Variants in PCDHA3 observed in about 807,000 individuals in gnomAD.
PCDHA3 encodes protocadherin alpha 3, also known as protocadherin alpha-3.
Under a neutral mutation model 62.2 loss-of-function variants are expected in PCDHA3, and 41 were observed. That is an observed-to-expected ratio of 0.66 (90% CI 0.51 to 0.86). The LOEUF (loss-of-function observed/expected upper bound fraction) is 0.86. Among genes scored for constraint, PCDHA3 ranks in the 40% least tolerant of loss-of-function variants. The pLI is 0.00. For synonymous variants in PCDHA3, 640 were observed against 555.4 expected, an observed-to-expected ratio of 1.15 and a Z score of -2.14; for missense variants, 1,304 against 1,241.2, an observed-to-expected ratio of 1.05 and a Z score of -0.76.
intron 1 of PCDHA3, chr5:140,884,210 C>G: frequency 6.2e-7 from 1 of 1,613,532 alleles, no homozygotes; most frequent in South Asian, 1.1e-5. Context: ...CCACCGCCTT[C>G]TGGTGCTGGT....
chr5:140,875,987 TA>T (rs1165213326), intron 1 of PCDHA3: 1 of 1,613,914 alleles, frequency 6.2e-7, no homozygotes, highest in East Asian at 2.2e-5. Context: ...ACCTATGCGT[TA>T]AGTCTAAATG....
At chr5:140,845,700 G>T (rs994276971) in intron 1 of PCDHA3, among the ~76,000 whole-genome samples, 1 of 149,282 alleles carries the variant, frequency 6.7e-6, no homozygotes, top group African/African-American at 2.5e-5. Context: ...CAGTTCCTTG[G>T]CATTATATGT....
intron 1 of PCDHA3, chr5:140,829,624 C>T (rs2150171535): frequency 8.4e-5 from 136 of 1,612,064 alleles, no homozygotes; most frequent in Non-Finnish European, 1.1e-4. Flanking sequence ...TTTCGGTGCA[C>T]GCGGAGAGCG....
intron 1 of PCDHA3, chr5:140,857,704 G>A: frequency 6.3e-7 from 1 of 1,597,424 alleles, no homozygotes; most frequent in Non-Finnish European, 8.6e-7. Flanking sequence ...CGCTGCAGGT[G>A]TTCGTGCTGG....
At chr5:140,914,596 C>G (rs1454753124) in intron 1 of PCDHA3, among the ~76,000 whole-genome samples, 1 of 152,128 alleles carries the variant, frequency 6.6e-6, no homozygotes, top group Non-Finnish European at 1.5e-5. Context: ...TAAGTAGGAA[C>G]TTCCTCCTGC....
chr5:140,978,836 A>G (rs891146888), intron 1 of PCDHA3, 113 bp from the exon 2 acceptor site: 1 of 1,552,522 alleles, frequency 6.4e-7, no homozygotes, highest in Non-Finnish European at 8.7e-7. Context: ...GGCTCATTCA[A>G]TACTTTTTTA....
chr5:140,982,623 C>T, intron 3 of PCDHA3, 60 bp downstream of exon 3: 1 of 1,583,652 alleles, frequency 6.3e-7, no homozygotes, highest in South Asian at 1.2e-5. Context: ...AGATGACCTA[C>T]TTTTGTAAGA....
chr5:140,805,962 C>T lies in PCDHA3; in HGVS notation c.2394+2371C>T, dbSNP rs1763656456. Among the ~76,000 whole-genome samples, 3 of 152,212 alleles carry T rather than the reference C, an allele frequency of 2.0e-5. No homozygotes were observed. The South Asian group carries it at 6.2e-4, about 32-fold the overall frequency. ...TCTGAGCTATTAAACAATTAAGATA[C>T]AACTATTCCCTTTAAAATATATATT... On this transcript the variant is annotated intron_variant, in intron 1 of 3. Transcript: ENST00000522353.
At chr5:140,965,876 C>T (rs1416182822) in intron 1 of PCDHA3, among the ~76,000 whole-genome samples, 1 of 152,152 alleles carries the variant, frequency 6.6e-6, no homozygotes, top group African/African-American at 2.4e-5. Flanking sequence ...GCCACTTGGC[C>T]GAGAGCAGAA....
intron 2 of PCDHA3, among the ~76,000 whole-genome samples, chr5:140,980,141 T>C (rs1241352797): frequency 1.3e-5 from 2 of 152,164 alleles, no homozygotes; most frequent in Non-Finnish European, 2.9e-5. Context: ...CCAGAAACAT[T>C]CATGCATATA....
At chr5:140,835,757 C>G (rs1467581889) in intron 1 of PCDHA3, 5 of 1,613,396 alleles carry the variant, frequency 3.1e-6, no homozygotes, top group African/African-American at 1.3e-5. Context: ...TCGCGCAGCC[C>G]GAGTATACGG....
At chr5:140,871,033 C>G (rs201299652) in intron 1 of PCDHA3, 336 of 1,613,234 alleles carry the variant, frequency 2.1e-4, no homozygotes, top group Non-Finnish European at 2.7e-4. Flanking sequence ...CTCGCCGCGC[C>G]ACCGACTTCT....
intron 1 of PCDHA3, among the ~76,000 whole-genome samples, chr5:140,831,508 C>A (rs2150108067): frequency 6.9e-6 from 1 of 145,360 alleles, no homozygotes; most frequent in Admixed American, 7.1e-5. Context: ...CGAGCACCAC[C>A]ATGCCCCCCA....
intron 1 of PCDHA3, chr5:140,843,181 C>T (rs1463551741): frequency 1.3e-6 from 2 of 1,595,954 alleles, no homozygotes; most frequent in Non-Finnish European, 1.7e-6. Flanking sequence ...GCCCTCGCAT[C>T]CCGTTCCGCG....
intron 1 of PCDHA3, among the ~76,000 whole-genome samples, chr5:140,925,502 C>G (rs978472276): frequency 6.6e-6 from 1 of 151,912 alleles, no homozygotes; most frequent in Admixed American, 6.6e-5. Context: ...GTCCCAATAT[C>G]CACGCAAAAG....
chr5:140,803,155 A>T lies in PCDHA3; in HGVS notation c.1958A>T (p.Asp653Val), dbSNP rs782366845. The T allele has an allele frequency of 6.2e-7, 1 of 1,613,866 alleles. No homozygotes were observed. Among genetic ancestry groups the T allele is most frequent in the South Asian group, 1.1e-5 (1 of 91,074 alleles). Residue 653 changes from aspartate (D) to valine (V), a missense_variant, in exon 1 of 4, where the codon GAC becomes GTC. By Grantham distance (152) the Asp-to-Val change is radical. Coordinates refer to ENST00000522353, the MANE Select transcript of PCDHA3 (RefSeq NM_018906.3). The stretch of plus-strand genomic sequence containing the variant: ...CATCGCCTACTGGTGCTGGTGAAGG[A>T]CCACGGTGAACCCTCATTGACCGCC... ...PRHRLLVLVK[D>V]HGEPSLTATA...
At chr5:140,908,530 T>G (rs1554193400) in intron 1 of PCDHA3, among the ~76,000 whole-genome samples, 1 of 152,148 alleles carries the variant, frequency 6.6e-6, no homozygotes, top group African/African-American at 2.4e-5. Flanking sequence ...AATGTTCAGT[T>G]TCCACCAAAG....
At chr5:140,975,475 A>G (rs546732390) in intron 1 of PCDHA3, among the ~76,000 whole-genome samples, 5 of 152,368 alleles carry the variant, frequency 3.3e-5, no homozygotes, top group African/African-American at 1.2e-4. Flanking sequence ...TCTGCCTATC[A>G]GTTTATATCA....
chr5:140,870,200 C>A, intron 1 of PCDHA3: 1 of 1,614,174 alleles, frequency 6.2e-7, no homozygotes, highest in South Asian at 1.1e-5. Flanking sequence ...CAGCCCAGCA[C>A]GGTCATTGCC....
Sources: gnomAD v4.1 joint callset for allele counts (sites outside exome capture counted in the v4.1 genomes callset) on GRCh38, gnomAD v4.1.1 for gene constraint, MANE v1.5 for transcripts, NCBI Gene and HGNC (gene_info 2026-07-23, HGNC 2026-07-21) for gene names.